Variants in RBFOX1 observed in about 807,000 individuals in gnomAD.
RBFOX1 encodes the protein RNA binding fox-1 homolog 1.
A neutral mutation model predicts 57.7 loss-of-function variants in RBFOX1; 8 were observed. The ratio of observed to expected loss-of-function variants is 0.14; its 90% CI spans 0.08 to 0.25. RBFOX1 has a LOEUF of 0.25. Among genes scored for constraint, RBFOX1 ranks in the 10% least tolerant of loss-of-function variants. The pLI is 1.00. For missense variants in RBFOX1, 611 were observed against 548.5 expected (o/e 1.11, Z -1.14); for synonymous variants, 326 against 222.4 (o/e 1.47, Z -4.15).
rs577262370 is a variant in RBFOX1 at position 7,504,711 on chromosome 16, A to T, written c.28-13436A>T. On this transcript the variant is annotated intron_variant, in intron 4 of 15. Coordinates refer to ENST00000550418, the MANE Select transcript of RBFOX1 (RefSeq NM_018723.4). ...GCTCCTGTGGAGATGAAGTGAGATT[A>T]TATATATATATATATATATATATAT... is the stretch of plus-strand genomic sequence containing the variant. Among the ~76,000 whole-genome samples the T allele has an allele frequency of 9.0e-4, 3 of 3,330 alleles. No individual in the cohort carries two copies. In the East Asian group the frequency reaches 0.042, roughly 46 times the overall value. 2.2% of individuals were successfully genotyped at this position (3,330 alleles called of 152,430 possible). A position where few individuals can be genotyped will look rare whatever the true frequency, so the allele number is the denominator to read the frequency against.
rs542253996 is a variant in RBFOX1, at chr16:6,800,028, A to C, written c.-16+145378A>C. On this transcript the variant is annotated intron_variant, in intron 3 of 15. Transcript: ENST00000550418. Reference sequence around the variant, plus strand: ...CCTATTAGTTCTGTCCCTCTGGAGAACCCTAATACACCATCTAAGATAACT... The same window carrying C: ...CCTATTAGTTCTGTCCCTCTGGAGACCCCTAATACACCATCTAAGATAACT... Among the ~76,000 whole-genome samples the C allele has an allele frequency of 2.0e-5, 3 of 152,234 alleles. No homozygotes were observed. The South Asian group carries it at 6.2e-4, about 32-fold the overall frequency.
At chr16:6,453,141 C>T (rs1229474653) in intron 2 of RBFOX1, among the ~76,000 whole-genome samples, 3 of 151,922 alleles carry the variant, frequency 2.0e-5, no homozygotes, top group African/African-American at 7.3e-5. Context: ...CTTTTAACTT[C>T]TGGGATACAT....
intron 2 of RBFOX1, among the ~76,000 whole-genome samples, chr16:6,389,342 C>T (rs541824633): frequency 6.8e-6 from 1 of 148,102 alleles, no homozygotes; most frequent in Admixed American, 6.7e-5. Context: ...CCACCACTAG[C>T]TTACATATCC....
chr16:6,049,962 T>TTC (rs1259356565), intron 1 of RBFOX1, among the ~76,000 whole-genome samples: 3 of 151,524 alleles, frequency 2.0e-5, no homozygotes, highest in Non-Finnish European at 4.4e-5. Context: ...AAACGTTTTT[T>TTC]TTTTTTTTTG....
intron 2 of RBFOX1, among the ~76,000 whole-genome samples, chr16:6,327,358 A>G (rs1032285938): frequency 6.6e-6 from 1 of 152,050 alleles, no homozygotes; most frequent in Admixed American, 6.6e-5. Flanking sequence ...TACCAGAATC[A>G]CTAGAGTTAA....
At chr16:6,292,642 C>G (rs1284718893) in intron 1 of RBFOX1, among the ~76,000 whole-genome samples, 2 of 152,098 alleles carry the variant, frequency 1.3e-5, no homozygotes, top group African/African-American at 4.8e-5. Context: ...TGGAAAATTT[C>G]TGTAGTCAGA....
At chr16:5,359,738 T>C (rs2065490945) in intron 1 of RBFOX1, among the ~76,000 whole-genome samples, 1 of 152,210 alleles carries the variant, frequency 6.6e-6, no homozygotes, top group Non-Finnish European at 1.5e-5. Context: ...TTTAACTTGA[T>C]GTGATCCCAT....
At chr16:6,479,315 A>G (rs143007009) in intron 2 of RBFOX1, among the ~76,000 whole-genome samples, 14 of 152,356 alleles carry the variant, frequency 9.2e-5, no homozygotes, top group East Asian at 5.8e-4. Flanking sequence ...CAGAAAGATC[A>G]GGGAACTGCC....
chr16:5,333,610 C>T (rs1423115034), intron 1 of RBFOX1, among the ~76,000 whole-genome samples: 1 of 152,210 alleles, frequency 6.6e-6, no homozygotes, highest in Non-Finnish European at 1.5e-5. Flanking sequence ...CTTCAGTGTA[C>T]TGTCATATGT....
chr16:6,585,119 T>C (rs138963900), intron 2 of RBFOX1, among the ~76,000 whole-genome samples: 12 of 152,292 alleles, frequency 7.9e-5, no homozygotes, highest in African/African-American at 2.2e-4. Context: ...GGTTAGCATT[T>C]TAATCTCTGG....
At chr16:5,780,150 G>A (rs781174916) in intron 3 of RBFOX1, among the ~76,000 whole-genome samples, 4 of 152,136 alleles carry the variant, frequency 2.6e-5, no homozygotes, top group South Asian at 2.1e-4. Flanking sequence ...CTACAAGTGC[G>A]TGACACCAGG....
intron 4 of RBFOX1, chr16:7,333,021 T>A: frequency 6.2e-7 from 1 of 1,613,628 alleles, no homozygotes; most frequent in Non-Finnish European, 8.5e-7. Context: ...TCTCAAGGAG[T>A]TCTCCTGCAT....
chr16:6,591,071 T>G (rs1456668588), intron 2 of RBFOX1, among the ~76,000 whole-genome samples: 2 of 152,150 alleles, frequency 1.3e-5, no homozygotes, highest in African/African-American at 4.8e-5. Context: ...ATAGCTTATG[T>G]GTATTAAGTG....
chr16:5,398,848 T>C (rs2066635218), intron 1 of RBFOX1, among the ~76,000 whole-genome samples: 1 of 152,168 alleles, frequency 6.6e-6, no homozygotes, highest in Non-Finnish European at 1.5e-5. Context: ...TAGTTTAAGT[T>C]AAACGTTTGA....
intron 1 of RBFOX1, among the ~76,000 whole-genome samples, chr16:6,093,861 T>G (rs1268354118): frequency 3.3e-5 from 5 of 151,816 alleles, no homozygotes; most frequent in African/African-American, 1.2e-4. Context: ...CTCAAGCAAT[T>G]CTCCCTCCTC....
chr16:6,878,693 G>A (rs909262026), intron 3 of RBFOX1, among the ~76,000 whole-genome samples: 1 of 152,098 alleles, frequency 6.6e-6, no homozygotes, highest in Non-Finnish European at 1.5e-5. Context: ...GCAAGAAACA[G>A]AAAGTAACAG....
chr16:7,309,558 T>C (rs1278283483), intron 4 of RBFOX1, among the ~76,000 whole-genome samples: 1 of 152,202 alleles, frequency 6.6e-6, no homozygotes, highest in Non-Finnish European at 1.5e-5. Context: ...TCACCCGCCA[T>C]CTGTTTTCCT....
At chr16:6,189,069 G>C (rs1247090213) in intron 1 of RBFOX1, among the ~76,000 whole-genome samples, 1 of 152,160 alleles carries the variant, frequency 6.6e-6, no homozygotes, top group Admixed American at 6.5e-5. Flanking sequence ...TGTTTTATGT[G>C]GTTTCAGATG....
intron 3 of RBFOX1, among the ~76,000 whole-genome samples, chr16:6,937,125 C>A (rs1017894041): frequency 6.6e-6 from 1 of 152,044 alleles, no homozygotes; most frequent in Non-Finnish European, 1.5e-5. Context: ...GATCCATCAG[C>A]CAGTAATTTT....
Sources: gnomAD v4.1 joint callset for allele counts (sites outside exome capture counted in the v4.1 genomes callset) on GRCh38, gnomAD v4.1.1 for gene constraint, MANE v1.5 for transcripts, NCBI Gene and HGNC (gene_info 2026-07-23, HGNC 2026-07-21) for gene names.